MEGF11: variants seen among roughly 807,000 people sequenced by gnomAD.
The protein encoded by MEGF11 is multiple epidermal growth factor-like domains protein 11.
Under a neutral mutation model 146.6 loss-of-function variants are expected in MEGF11, and 126 were observed. That is an observed-to-expected ratio of 0.86 (90% confidence interval 0.74 to 1.00). The LOEUF is 1.00. Among genes scored for constraint, MEGF11 ranks in the 50% least tolerant of loss-of-function variants. The pLI, the probability that MEGF11 is intolerant of heterozygous loss-of-function variation, is 0.00. For missense variants in MEGF11, 1,509 were observed against 1,521.2 expected (o/e 0.99, Z 0.13); for synonymous variants, 532 against 583.4 (o/e 0.91, Z 1.27).
At chr15:66,002,529 A>G (rs1178294279) in intron 5 of MEGF11, among the ~76,000 whole-genome samples, 1 of 152,202 alleles carries the variant, frequency 6.6e-6, no homozygotes, top group Non-Finnish European at 1.5e-5. Flanking sequence ...AGCTGTGGAC[A>G]CCAATGGACC....
At chr15:66,005,099 TAA>T (rs1458576494) in intron 5 of MEGF11, among the ~76,000 whole-genome samples, 1 of 152,086 alleles carries the variant, frequency 6.6e-6, no homozygotes, top group African/African-American at 2.4e-5. Context: ...CTCCATCTCT[TAA>T]AAAAGAAAAA....
chr15:65,955,137 CAG>C (rs745795707), intron 10 of MEGF11, among the ~76,000 whole-genome samples: 2 of 152,188 alleles, frequency 1.3e-5, no homozygotes, highest in Non-Finnish European at 2.9e-5. Flanking sequence ...CAAGCTGGGA[CAG>C]GGGTCACCCA....
intron 10 of MEGF11, among the ~76,000 whole-genome samples, chr15:65,941,955 C>T (rs1408967593): frequency 6.6e-6 from 1 of 152,214 alleles, no homozygotes; most frequent in Non-Finnish European, 1.5e-5. Flanking sequence ...TTTTCACGCC[C>T]CTGCCCCTTG....
chr15:66,128,422 GA>G lies in MEGF11; in HGVS notation c.-8-12del. 7.0e-7 allele frequency: 1 copy of G among 1,418,498 alleles called. No homozygotes were observed. 87.9% of individuals were successfully genotyped at this position (1,418,498 alleles called of 1,614,324 possible). On this transcript the variant is annotated splice_polypyrimidine_tract_variant and intron_variant, in intron 1 of 25. Transcript: ENST00000395614. ...GCACCATCCCGGGCCCTGCACAGGA[GA>G]ACAAAGGAGGCTGCGTCTGTGATCA...
chr15:65,974,750 A>G (rs1440488382), intron 7 of MEGF11, among the ~76,000 whole-genome samples: 1 of 152,142 alleles, frequency 6.6e-6, no homozygotes, highest in South Asian at 2.1e-4. Context: ...AGTGCACATT[A>G]TAAGTTCTAG....
intron 1 of MEGF11, among the ~76,000 whole-genome samples, chr15:66,252,217 AC>A (rs1177877575): frequency 8.4e-5 from 10 of 119,286 alleles, no homozygotes; most frequent in African/African-American, 3.1e-4. Context: ...CGCGAGCCGC[AC>A]CCCCCGCCCC....
At chr15:66,091,999 T>C (rs2086341361) in intron 5 of MEGF11, among the ~76,000 whole-genome samples, 1 of 152,230 alleles carries the variant, frequency 6.6e-6, no homozygotes, top group Non-Finnish European at 1.5e-5. Context: ...GAGATGATCA[T>C]TTCTATACAC....
chr15:65,929,923 C>T (rs1239440009), intron 11 of MEGF11, 40 bp from the exon 12 acceptor site: 1 of 1,558,918 alleles, frequency 6.4e-7, no homozygotes, highest in African/African-American at 1.4e-5. Flanking sequence ...TCCATCCAGG[C>T]CCAGTGTGTC....
intron 1 of MEGF11, among the ~76,000 whole-genome samples, chr15:66,151,872 C>T (rs1052021263): frequency 1.1e-4 from 16 of 152,252 alleles, no homozygotes; most frequent in East Asian, 5.8e-4. Context: ...CCTCCCCACC[C>T]GGCTGCTGCC....
intron 4 of MEGF11, among the ~76,000 whole-genome samples, chr15:66,095,999 C>T (rs1175516005): frequency 2.0e-5 from 3 of 152,204 alleles, no homozygotes; most frequent in Non-Finnish European, 4.4e-5. Flanking sequence ...GCTGCCCGGG[C>T]TCCCCCTGTT....
intron 9 of MEGF11, among the ~76,000 whole-genome samples, chr15:65,959,920 C>T (rs982358112): frequency 6.6e-6 from 1 of 152,180 alleles, no homozygotes; most frequent in Non-Finnish European, 1.5e-5. Context: ...ACATTTTGTC[C>T]ACTGCCTCAT....
chr15:66,030,517 C>A (rs1745674358), intron 5 of MEGF11, among the ~76,000 whole-genome samples: 1 of 152,198 alleles, frequency 6.6e-6, no homozygotes, highest in Non-Finnish European at 1.5e-5. Context: ...TCAAGTGATT[C>A]TCCTGCCTCA....
At chr15:66,147,593 G>A (rs1345915970) in intron 1 of MEGF11, among the ~76,000 whole-genome samples, 1 of 152,228 alleles carries the variant, frequency 6.6e-6, no homozygotes, top group Non-Finnish European at 1.5e-5. Flanking sequence ...AACCAGGTAG[G>A]GCAACAGTGC....
intron 1 of MEGF11, among the ~76,000 whole-genome samples, chr15:66,194,724 G>A (rs2090967450): frequency 6.6e-6 from 1 of 152,156 alleles, no homozygotes; most frequent in South Asian, 2.1e-4. Context: ...AGTGTACACT[G>A]CTTGGGTGAC....
At chr15:65,944,827 G>A (rs1031218324) in intron 10 of MEGF11, among the ~76,000 whole-genome samples, 4 of 151,970 alleles carry the variant, frequency 2.6e-5, no homozygotes, top group East Asian at 1.9e-4. Context: ...GGGTGGGGAC[G>A]GCTGCCTCTA....
intron 1 of MEGF11, among the ~76,000 whole-genome samples, chr15:66,134,956 G>A (rs1161033669): frequency 6.6e-6 from 1 of 152,242 alleles, no homozygotes; most frequent in Non-Finnish European, 1.5e-5. Context: ...CATGTGAAGG[G>A]AATGGTGGAG....
chr15:65,915,441 AC>A lies in MEGF11; in HGVS notation c.2473+28del, dbSNP rs778569675. On this transcript the variant is annotated intron_variant, in intron 19 of 25. Coordinates refer to ENST00000395614, the MANE Select transcript of MEGF11 (RefSeq NM_001385028.1). ...AGCTGCCATGGGGCCCTTTCCACAG[AC>A]CCCGGGGCTCTGCCACGTGTGTATT... The A allele has an allele frequency of 2.1e-5, 33 of 1,608,354 alleles. No individual in the cohort carries two copies. The African/African-American group carries it at 3.9e-4, about 19-fold the overall frequency.
chr15:66,197,978 T>G (rs1041483859), intron 1 of MEGF11, among the ~76,000 whole-genome samples: 2 of 152,224 alleles, frequency 1.3e-5, no homozygotes, highest in African/African-American at 4.8e-5. Flanking sequence ...TAATCCCAGC[T>G]ACTTGGAAGG....
chr15:66,230,379 C>T lies in MEGF11; in HGVS notation c.-9+23226G>A, dbSNP rs530983439. On this transcript the variant is annotated intron_variant, in intron 1 of 25. Coordinates refer to ENST00000395614, the MANE Select transcript of MEGF11 (RefSeq NM_001385028.1). ...TCTGGCAGCAGGGCTGGGTTATAAA[C>T]GTATTTCCCCTCAGGGCTCAGCCCA... 1.7e-4 allele frequency among the ~76,000 whole-genome samples: 26 copies of T among 152,290 alleles called. No homozygotes were observed. The South Asian group carries it at 2.1e-3, about 12-fold the overall frequency.
Sources: allele counts gnomAD v4.1 joint callset (sites outside exome capture counted in the v4.1 genomes callset), GRCh38; gene constraint gnomAD v4.1.1; transcripts MANE v1.5; gene names NCBI Gene and HGNC (gene_info 2026-07-23, HGNC 2026-07-21).